Variants in RBFOX1 observed in about 807,000 individuals in gnomAD.
The protein encoded by RBFOX1 is RNA binding fox-1 homolog 1.
A neutral mutation model predicts 57.7 loss-of-function variants in RBFOX1; 8 were observed. The observed-to-expected ratio is 0.14, with a 90% CI of 0.08 to 0.25. The LOEUF is 0.25. Ranked by LOEUF, RBFOX1 falls within the 10% of genes least tolerant of loss-of-function variation. The pLI is 1.00. For missense variants in RBFOX1, 611 were observed against 548.5 expected (o/e 1.11, Z -1.14); for synonymous variants, 326 against 222.4 (o/e 1.47, Z -4.15).
chr16:5,836,236 G>A (rs551599323), intron 3 of RBFOX1, among the ~76,000 whole-genome samples: 1 of 152,272 alleles, frequency 6.6e-6, no homozygotes, highest in South Asian at 2.1e-4. Context: ...CAACTAGCAG[G>A]AGAGAAACCT....
chr16:5,378,878 C>T (rs1324406891), intron 1 of RBFOX1, among the ~76,000 whole-genome samples: 1 of 151,512 alleles, frequency 6.6e-6, no homozygotes, highest in East Asian at 1.9e-4. Flanking sequence ...ATGGATTAGG[C>T]AGAGTAGACT....
At position 6,221,093 on chromosome 16, in the gene RBFOX1, T is replaced by C. The variant is rs150785131; in HGVS notation, c.-126-95902T>C. 1.4e-4 allele frequency among the ~76,000 whole-genome samples: 22 copies of C among 152,266 alleles called. No individual in the cohort carries two copies. In the East Asian group the frequency reaches 4.3e-3, roughly 29 times the overall value. ...GTAACTTTTTCCATATTTAAAATTA[T>C]CTCTTTAGGCCATATTTCCAGAAGT... On this transcript the variant is annotated intron_variant, in intron 1 of 15. Transcript: ENST00000550418.
intron 5 of RBFOX1, among the ~76,000 whole-genome samples, chr16:7,558,883 G>C (rs1243727611): frequency 6.6e-6 from 1 of 152,170 alleles, no homozygotes; most frequent in African/African-American, 2.4e-5. Context: ...AAATGTAGAT[G>C]GGATTCATAT....
chr16:5,625,723 A>T (rs570389281), intron 3 of RBFOX1, among the ~76,000 whole-genome samples: 1 of 151,136 alleles, frequency 6.6e-6, no homozygotes, highest in African/African-American at 2.4e-5. Flanking sequence ...ATGCTCAGCA[A>T]ATTTTTGTAT....
At chr16:7,572,976 C>T (rs1328006530) in intron 5 of RBFOX1, among the ~76,000 whole-genome samples, 2 of 152,016 alleles carry the variant, frequency 1.3e-5, no homozygotes, top group African/African-American at 2.4e-5. Context: ...GAGTTACATC[C>T]TGGTAGAAAA....
intron 14 of RBFOX1, among the ~76,000 whole-genome samples, chr16:7,680,785 CAT>C (rs1326570958): frequency 6.6e-6 from 1 of 152,126 alleles, no homozygotes; most frequent in East Asian, 1.9e-4. Flanking sequence ...ACAAAAATGA[CAT>C]ATTGGCTCTG....
chr16:5,514,461 C>T (rs2151729916), intron 2 of RBFOX1, among the ~76,000 whole-genome samples: 1 of 152,216 alleles, frequency 6.6e-6, no homozygotes, highest in African/African-American at 2.4e-5. Flanking sequence ...ATCATAAGGC[C>T]AGCCCAGATT....
intron 3 of RBFOX1, among the ~76,000 whole-genome samples, chr16:5,633,246 T>C (rs1022236842): frequency 5.9e-4 from 90 of 152,174 alleles, no homozygotes; most frequent in African/African-American, 2.0e-3. Flanking sequence ...CAACAACTCT[T>C]TTACATCAGT....
At chr16:5,473,554 G>C (rs1370984593) in intron 2 of RBFOX1, among the ~76,000 whole-genome samples, 1 of 152,012 alleles carries the variant, frequency 6.6e-6, no homozygotes, top group Non-Finnish European at 1.5e-5. Flanking sequence ...TGGATGGATG[G>C]ATGGATGGAA....
chr16:6,276,684 A>G (rs190624717), intron 1 of RBFOX1, among the ~76,000 whole-genome samples: 19 of 152,014 alleles, frequency 1.2e-4, no homozygotes, highest in Admixed American at 1.0e-3. Flanking sequence ...TATCCCACAC[A>G]TTGACTGGTT....
intron 4 of RBFOX1, among the ~76,000 whole-genome samples, chr16:7,298,621 C>T: frequency 6.6e-6 from 1 of 152,214 alleles, no homozygotes; most frequent in East Asian, 1.9e-4. Context: ...TTGATTCCCC[C>T]AAAACTATGA....
chr16:7,239,968 G>A (rs1480758030), intron 4 of RBFOX1, among the ~76,000 whole-genome samples: 2 of 152,012 alleles, frequency 1.3e-5, no homozygotes, highest in African/African-American at 4.8e-5. Context: ...ACTATAAGAT[G>A]ATGGTGACGA....
chr16:6,090,738 G>C (rs1026036491), intron 1 of RBFOX1, among the ~76,000 whole-genome samples: 1 of 152,188 alleles, frequency 6.6e-6, no homozygotes, highest in African/African-American at 2.4e-5. Context: ...CCTTAGTGCA[G>C]TAAACAAATC....
chr16:6,339,943 C>T (rs974568309), intron 2 of RBFOX1, among the ~76,000 whole-genome samples: 1 of 152,082 alleles, frequency 6.6e-6, no homozygotes, highest in African/African-American at 2.4e-5. Flanking sequence ...TCCTAAAGTG[C>T]TGGGATTACA....
At chr16:7,028,454 G>A (rs1001453563) in intron 3 of RBFOX1, among the ~76,000 whole-genome samples, 1 of 151,752 alleles carries the variant, frequency 6.6e-6, no homozygotes, top group African/African-American at 2.4e-5. Context: ...GGGCGTGGTG[G>A]CTCATGCCTG....
chr16:6,210,094 G>A (rs1414148573), intron 1 of RBFOX1, among the ~76,000 whole-genome samples: 2 of 151,774 alleles, frequency 1.3e-5, no homozygotes, highest in Non-Finnish European at 2.9e-5. Flanking sequence ...GAGACCGGTG[G>A]ATCACCTGAG....
At chr16:7,041,809 A>T (rs1469484027) in intron 3 of RBFOX1, among the ~76,000 whole-genome samples, 1 of 152,144 alleles carries the variant, frequency 6.6e-6, no homozygotes. Flanking sequence ...TAATTTGAAT[A>T]CCAATTGCTG....
intron 4 of RBFOX1, among the ~76,000 whole-genome samples, chr16:7,157,291 A>G (rs560586831): frequency 6.6e-6 from 1 of 152,328 alleles, no homozygotes; most frequent in African/African-American, 2.4e-5. Flanking sequence ...CATATGCTTG[A>G]TTACTAAATG....
In RBFOX1 at chr16:7,403,438, C is replaced by T. The variant is rs191785023; in HGVS notation, c.28-114709C>T. On this transcript the variant is annotated intron_variant, in intron 4 of 15. Coordinates refer to ENST00000550418, the MANE Select transcript of RBFOX1 (RefSeq NM_018723.4). ...CTCTTCTCCTGTCTGTCTATTCCTA[C>T]GAATTTGAGTGTTTTAGATCCTGCA... Among the ~76,000 whole-genome samples, 10 of 152,260 alleles carry T rather than the reference C, an allele frequency of 6.6e-5. No homozygotes were observed. The East Asian group carries it at 1.4e-3, about 21-fold the overall frequency.
Sources: gnomAD v4.1 joint callset for allele counts (sites outside exome capture counted in the v4.1 genomes callset) on GRCh38, gnomAD v4.1.1 for gene constraint, MANE v1.5 for transcripts, NCBI Gene and HGNC (gene_info 2026-07-23, HGNC 2026-07-21) for gene names.